RNF157: variants seen among roughly 807,000 people sequenced by gnomAD.
RNF157 encodes the protein ring finger protein 157, also known as E3 ubiquitin ligase RNF157.
A neutral mutation model predicts 88.3 loss-of-function variants in RNF157; 55 were observed. The observed-to-expected ratio is 0.62, with a 90% CI of 0.50 to 0.78. The LOEUF (loss-of-function observed/expected upper bound fraction) is 0.78, where lower values mean the gene tolerates loss of function less well. Among genes scored for constraint, RNF157 ranks in the 30% least tolerant of loss-of-function variants. The pLI is 0.00. For synonymous variants in RNF157, 334 were observed against 341.2 expected, an observed-to-expected ratio of 0.98 and a Z score of 0.23; for missense variants, 788 against 860.8, an observed-to-expected ratio of 0.92 and a Z score of 1.06.
chr17:76,148,185 A>G (rs939966459), intron 18 of RNF157, among the ~76,000 whole-genome samples: 2 of 151,522 alleles, frequency 1.3e-5, no homozygotes, highest in Admixed American at 6.6e-5. Context: ...TTCACTGGAT[A>G]TGCTCATTCC....
rs1460630375 is a variant in RNF157, at chr17:76,176,973, G to A, written c.208-3183C>T. 6.6e-6 allele frequency among the ~76,000 whole-genome samples: 1 copy of A among 152,150 alleles called. No individual in the cohort carries two copies. The highest frequency in any genetic ancestry group is 1.5e-5 in the Non-Finnish European group (1 of 67,978). ...CAGCCCGTCTGGGGCTGCGCCCCCA[G>A]GTCTGCCCCACATTGGGGTGACCAC... On this transcript the variant is annotated intron_variant, in intron 2 of 18. Transcript: ENST00000269391. The surrounding 1 kb of genome is among the most constrained non-coding windows in gnomAD (Gnocchi z 4.2).
chr17:76,148,786 G>A (rs551845065), intron 18 of RNF157, among the ~76,000 whole-genome samples: 1 of 151,902 alleles, frequency 6.6e-6, no homozygotes, highest in Non-Finnish European at 1.5e-5. Flanking sequence ...GCCCAGGCTG[G>A]TCTCCAGCTC....
intron 2 of RNF157, among the ~76,000 whole-genome samples, chr17:76,186,393 G>C (rs1245144896): frequency 6.6e-6 from 1 of 151,974 alleles, no homozygotes; most frequent in Non-Finnish European, 1.5e-5. Flanking sequence ...TGTAATCCCA[G>C]CTACTCAGGA....
At chr17:76,159,612 C>T (rs776022415) in intron 11 of RNF157, 39 bp from the exon 12 acceptor site, 42 of 1,438,394 alleles carry the variant, frequency 2.9e-5, no homozygotes, top group Non-Finnish European at 3.9e-5. Context: ...TTAATTAGGT[C>T]CTTTTTGTTT....
At chr17:76,235,975 C>T (rs574911799) in intron 1 of RNF157, among the ~76,000 whole-genome samples, 11 of 152,308 alleles carry the variant, frequency 7.2e-5, no homozygotes, top group African/African-American at 2.4e-4. Context: ...CACCACTGCA[C>T]TCCAGCCTGG....
Position 76,146,263 on chromosome 17 carries a change from T to C in RNF157, c.1922-910A>G. ...CAGTTTACTGTGGGCCTTGGTTTTC[T>C]CACCCATCAGATGGGACATGCGTAC... On this transcript the variant is annotated intron_variant, in intron 18 of 18. Coordinates refer to ENST00000269391, the MANE Select transcript of RNF157 (RefSeq NM_052916.3). The surrounding 1 kb of genome is among the most constrained non-coding windows in gnomAD (Gnocchi z 4.2). 2.4e-6 allele frequency: 2 copies of C among 827,336 alleles called. No homozygotes were observed. The highest frequency in any genetic ancestry group is 2.9e-6 in the Non-Finnish European group (2 of 685,558). The allele number at this position is 827,336 out of a possible 1,614,324, so 51.2% of individuals were successfully genotyped here.
chr17:76,169,144 T>C (rs1568035494), intron 3 of RNF157, among the ~76,000 whole-genome samples: 2 of 152,242 alleles, frequency 1.3e-5, no homozygotes, highest in Non-Finnish European at 2.9e-5. Flanking sequence ...TAGTTGGATG[T>C]CAGACCTTCT....
intron 1 of RNF157, among the ~76,000 whole-genome samples, chr17:76,229,623 C>A (rs75941231): frequency 6.6e-6 from 1 of 152,138 alleles, no homozygotes; most frequent in Non-Finnish European, 1.5e-5. Flanking sequence ...ACTCAATAAC[C>A]TTTTCTTCTG....
intron 3 of RNF157, among the ~76,000 whole-genome samples, chr17:76,171,456 G>C (rs778688742): frequency 1.5e-4 from 23 of 152,152 alleles, no homozygotes; most frequent in Non-Finnish European, 1.8e-4. Flanking sequence ...CCAAAGTGCT[G>C]GGATTACATG....
rs1053765694 is a variant in RNF157, at chr17:76,146,367, G to A, written c.1922-1014C>T. On this transcript the variant is annotated intron_variant, in intron 18 of 18. Coordinates refer to ENST00000269391, the MANE Select transcript of RNF157 (RefSeq NM_052916.3). The surrounding 1 kb of genome is among the most constrained non-coding windows in gnomAD (Gnocchi z 4.2). The stretch of plus-strand genomic sequence containing the variant: ...GTATCTGACTCCTAGAATAGCCTGT[G>A]CTCAGGCTCCTCCAGGCCATCTCGC... The A allele has an allele frequency of 1.2e-5, 12 of 985,514 alleles. No homozygotes were observed. Among genetic ancestry groups the A allele is most frequent in the African/African-American group, 8.7e-5 (5 of 57,342 alleles). 61.0% of individuals were successfully genotyped at this position (985,514 alleles called of 1,614,324 possible). A position where few individuals can be genotyped will look rare whatever the true frequency, so the allele number is the denominator to read the frequency against.
chr17:76,196,578 T>C (rs1290761671), intron 2 of RNF157, among the ~76,000 whole-genome samples: 4 of 152,168 alleles, frequency 2.6e-5, no homozygotes, highest in Non-Finnish European at 5.9e-5. Context: ...TCCAATATGA[T>C]ACACCATTAA....
intron 1 of RNF157, among the ~76,000 whole-genome samples, chr17:76,234,589 G>T (rs1239636358): frequency 6.6e-6 from 1 of 152,090 alleles, no homozygotes; most frequent in Non-Finnish European, 1.5e-5. Context: ...GTATCTAATT[G>T]TAGTTTTGAT....
At chr17:76,208,160 A>G (rs2069713844) in intron 2 of RNF157, among the ~76,000 whole-genome samples, 3 of 152,062 alleles carry the variant, frequency 2.0e-5, no homozygotes, top group Admixed American at 6.6e-5. Context: ...TAGGCTCAAG[A>G]GATCTATAGG....
chr17:76,217,662 T>C (rs1034345595), intron 1 of RNF157, among the ~76,000 whole-genome samples: 1 of 152,198 alleles, frequency 6.6e-6, no homozygotes, highest in African/African-American at 2.4e-5. Context: ...AGAACTCTAC[T>C]AAAGTACTTC....
chr17:76,163,712 A>C (rs1335856632), intron 8 of RNF157: 1 of 152,182 alleles, frequency 6.6e-6, no homozygotes, highest in East Asian at 1.9e-4. Flanking sequence ...TGCCAATCTA[A>C]CAAGAGGAAA....
chr17:76,171,794 C>G (rs2069018572), intron 3 of RNF157, among the ~76,000 whole-genome samples: 1 of 152,194 alleles, frequency 6.6e-6, no homozygotes, highest in Non-Finnish European at 1.5e-5. Context: ...ACCTGGGAGG[C>G]AAACTGCTCT....
At position 76,240,419 on chromosome 17, in the gene RNF157, G is replaced by C. The variant is rs1262171840; in HGVS notation, c.-179C>G. 1 of 152,918 alleles carries C rather than the reference G, an allele frequency of 6.5e-6. No homozygotes were observed. The highest frequency in any genetic ancestry group is 2.4e-5 in the African/African-American group (1 of 40,900). 9.5% of individuals were successfully genotyped at this position (152,918 alleles called of 1,614,324 possible). A position where few individuals can be genotyped will look rare whatever the true frequency, so the allele number is the denominator to read the frequency against. ...GGCGCGCCGCGCACCATCCTCCGCC[G>C]GGCACCGCGGCGGCGCCTCTGCCAA... On this transcript the variant is annotated 5_prime_UTR_variant, in exon 1 of 19. Transcript: ENST00000269391. This position sits in a 1 kb window ranked among gnomAD's most constrained non-coding sequence, Gnocchi z 4.4.
chr17:76,207,757 T>C (rs1227684303), intron 2 of RNF157, among the ~76,000 whole-genome samples: 1 of 152,108 alleles, frequency 6.6e-6, no homozygotes, highest in Non-Finnish European at 1.5e-5. Context: ...AAGTCAGCTG[T>C]TTAGAACTCA....
At chr17:76,222,991 C>T (rs532574318) in intron 1 of RNF157, among the ~76,000 whole-genome samples, 4 of 151,764 alleles carry the variant, frequency 2.6e-5, no homozygotes, top group East Asian at 3.9e-4. Flanking sequence ...CCTGGGTTCA[C>T]GCCGTTCTCC....
Sources: gnomAD v4.1 joint callset for allele counts (sites outside exome capture counted in the v4.1 genomes callset) on GRCh38, gnomAD v4.1.1 for gene constraint, Gnocchi (gnomAD v3.1) non-coding constraint, MANE v1.5 for transcripts, NCBI Gene and HGNC (gene_info 2026-07-23, HGNC 2026-07-21) for gene names.